Variants in DLG2 observed in about 807,000 individuals in gnomAD.
DLG2 encodes discs large MAGUK scaffold protein 2, also known as disks large homolog 2.
A neutral mutation model predicts 132.5 loss-of-function variants in DLG2; 45 were observed. The ratio of observed to expected loss-of-function variants is 0.34; its 90% CI spans 0.27 to 0.44. The LOEUF is 0.44. Among genes scored for constraint, DLG2 ranks in the 20% least tolerant of loss-of-function variants. The pLI, the probability that DLG2 is intolerant of heterozygous loss-of-function variation, is 1.00. For missense variants in DLG2, 1,045 were observed against 1,196.9 expected, an observed-to-expected ratio of 0.87 and a Z score of 1.87; for synonymous variants, 424 against 419.6, an observed-to-expected ratio of 1.01 and a Z score of -0.13.
intron 6 of DLG2, among the ~76,000 whole-genome samples, chr11:85,064,336 A>G (rs943077253): frequency 6.6e-6 from 1 of 151,806 alleles, no homozygotes; most frequent in Admixed American, 6.6e-5. Flanking sequence ...AAAGGTCACT[A>G]TAAAATGCAC....
intron 7 of DLG2, among the ~76,000 whole-genome samples, chr11:84,265,346 T>G (rs1598650203): frequency 6.6e-6 from 1 of 152,174 alleles, no homozygotes; most frequent in South Asian, 2.1e-4. Context: ...CTTCGAACAA[T>G]GCTAAAAAGT....
chr11:83,511,073 A>AACACACACACACACACACACACAC (rs142149345), intron 21 of DLG2, among the ~76,000 whole-genome samples: 2 of 88,410 alleles, frequency 2.3e-5, no homozygotes, highest in African/African-American at 4.0e-5. Context: ...CACTTGCTCA[A>AACACACACACACACACACACACAC]ACACACACAC....
chr11:83,727,198 A>G (rs1238309504), intron 18 of DLG2, among the ~76,000 whole-genome samples: 1 of 152,172 alleles, frequency 6.6e-6, no homozygotes, highest in East Asian at 1.9e-4. Context: ...AACACAATCA[A>G]CAGTCCACTC....
intron 2 of DLG2, among the ~76,000 whole-genome samples, chr11:85,625,592 C>T (rs2153286711): frequency 6.6e-6 from 1 of 152,286 alleles, no homozygotes; most frequent in East Asian, 1.9e-4. Context: ...CCTAACAAAT[C>T]CACAGGTAGA....
chr11:84,991,496 G>A (rs2057100398), intron 6 of DLG2, among the ~76,000 whole-genome samples: 1 of 112,482 alleles, frequency 8.9e-6, no homozygotes, highest in Non-Finnish European at 1.7e-5. Flanking sequence ...GCAACAGAGT[G>A]AGACACCTTC....
chr11:84,058,507 AATAATAATAAT>A (rs1566266817), intron 11 of DLG2, among the ~76,000 whole-genome samples: 28 of 139,236 alleles, frequency 2.0e-4, no homozygotes, highest in African/African-American at 2.9e-4. Context: ...AAACAAATAC[AATAATAATAAT>A]AATAATAATA....
At chr11:85,223,910 T>G (rs530365759) in intron 4 of DLG2, among the ~76,000 whole-genome samples, 1 of 152,102 alleles carries the variant, frequency 6.6e-6, no homozygotes, top group Non-Finnish European at 1.5e-5. Flanking sequence ...CCCTTCCAAC[T>G]GGATATTGTG....
chr11:85,360,059 C>T (rs1383828154), intron 3 of DLG2, among the ~76,000 whole-genome samples: 4 of 152,150 alleles, frequency 2.6e-5, no homozygotes, highest in Non-Finnish European at 5.9e-5. Flanking sequence ...CGAAAGATTA[C>T]CCACAGGCAT....
intron 18 of DLG2, among the ~76,000 whole-genome samples, chr11:83,772,647 A>G (rs944442782): frequency 1.3e-5 from 2 of 152,118 alleles, no homozygotes; most frequent in Non-Finnish European, 2.9e-5. Context: ...ATGCTATAAA[A>G]TTATTTCTGA....
intron 27 of DLG2, among the ~76,000 whole-genome samples, chr11:83,461,199 G>A (rs182943371): frequency 1.1e-4 from 17 of 151,582 alleles, no homozygotes; most frequent in African/African-American, 4.1e-4. Context: ...TAGTAGAGAC[G>A]GGGGTTTCAC....
chr11:84,513,563 G>A (rs1469302902), intron 7 of DLG2, among the ~76,000 whole-genome samples: 4 of 151,908 alleles, frequency 2.6e-5, no homozygotes, highest in African/African-American at 9.7e-5. Flanking sequence ...TTTTGACAAA[G>A]GTGCCAAGAA....
chr11:84,033,136 TAA>T (rs2095754787), intron 11 of DLG2, among the ~76,000 whole-genome samples: 1 of 152,318 alleles, frequency 6.6e-6, no homozygotes, highest in African/African-American at 2.4e-5. Context: ...TTTTAATTTT[TAA>T]AAGTCTTATT....
chr11:84,238,088 A>AGAC (rs2097182413), intron 8 of DLG2, among the ~76,000 whole-genome samples: 1 of 151,686 alleles, frequency 6.6e-6, no homozygotes, highest in Non-Finnish European at 1.5e-5. Context: ...AGAAAAAGAA[A>AGAC]GACACTAGAG....
chr11:84,393,679 CTGTTT>C (rs934044526), intron 7 of DLG2, among the ~76,000 whole-genome samples: 4 of 150,588 alleles, frequency 2.7e-5, no homozygotes, highest in Non-Finnish European at 5.9e-5. Context: ...TTTGCCCAAA[CTGTTT>C]TGTGTTTATT....
chr11:83,598,758 G>A (rs1338096912), intron 19 of DLG2, among the ~76,000 whole-genome samples: 4 of 152,264 alleles, frequency 2.6e-5, no homozygotes, highest in Admixed American at 1.3e-4. Context: ...TAGATGTTAC[G>A]CTTCACTGCT....
chr11:84,404,696 T>A (rs756160345), intron 7 of DLG2, among the ~76,000 whole-genome samples: 6 of 152,218 alleles, frequency 3.9e-5, no homozygotes, highest in Non-Finnish European at 7.3e-5. Flanking sequence ...GATTTACTTT[T>A]GTACCTGAAA....
At chr11:84,221,196 C>T (rs901895810) in intron 8 of DLG2, among the ~76,000 whole-genome samples, 16 of 151,774 alleles carry the variant, frequency 1.1e-4, no homozygotes, top group Non-Finnish European at 1.5e-4. Context: ...TTAGGCTGGG[C>T]GCAGTGGGCC....
intron 4 of DLG2, among the ~76,000 whole-genome samples, chr11:85,259,192 C>T (rs1383236284): frequency 6.6e-6 from 1 of 152,072 alleles, no homozygotes; most frequent in Non-Finnish European, 1.5e-5. Context: ...TCACTGTCCC[C>T]CTAGTGCTGT....
At chr11:84,840,644 T>A (rs1195470364) in intron 6 of DLG2, among the ~76,000 whole-genome samples, 1 of 152,124 alleles carries the variant, frequency 6.6e-6, no homozygotes, top group African/African-American at 2.4e-5. Context: ...ATATACACCA[T>A]GGAATACTAT....
Sources: gnomAD v4.1 joint callset for allele counts (sites outside exome capture counted in the v4.1 genomes callset) on GRCh38, gnomAD v4.1.1 for gene constraint, MANE v1.5 for transcripts, NCBI Gene and HGNC (gene_info 2026-07-23, HGNC 2026-07-21) for gene names.